The following MECOM variants were observed in gnomAD, a reference collection of about 807,000 sequenced individuals.
MECOM encodes the protein histone-lysine N-methyltransferase MECOM.
Under a neutral mutation model 116.3 loss-of-function variants are expected in MECOM, and 13 were observed. The ratio of observed to expected loss-of-function variants is 0.11; its 90% CI spans 0.07 to 0.18. The LOEUF (loss-of-function observed/expected upper bound fraction) is 0.18, where lower values mean the gene tolerates loss of function less well. MECOM is among the 10% of genes least tolerant of loss of function. MECOM has a pLI of 1.00. For missense variants in MECOM, 1,299 were observed against 1,509.0 expected (o/e 0.86, Z 2.31); for synonymous variants, 528 against 535.2 (o/e 0.99, Z 0.19).
intron 1 of MECOM, among the ~76,000 whole-genome samples, chr3:169,514,038 T>G (rs1578313246): frequency 6.6e-6 from 1 of 152,152 alleles, no homozygotes; most frequent in Non-Finnish European, 1.5e-5. Context: ...TCTACAAGGG[T>G]GTGCACATAC....
chr3:169,255,495 G>A (rs1054379731), intron 2 of MECOM, among the ~76,000 whole-genome samples: 1 of 151,814 alleles, frequency 6.6e-6, no homozygotes, highest in Admixed American at 6.6e-5. Context: ...GGGTAGTCTC[G>A]GTGATCAGCC....
At chr3:169,134,813 G>C (rs576490281) in intron 3 of MECOM, among the ~76,000 whole-genome samples, 1 of 152,140 alleles carries the variant, frequency 6.6e-6, no homozygotes, top group South Asian at 2.1e-4. Context: ...ATGCCAGCAG[G>C]CATTTGAGAA....
chr3:169,308,991 A>T (rs933082213), intron 2 of MECOM, among the ~76,000 whole-genome samples: 16 of 152,210 alleles, frequency 1.1e-4, no homozygotes, highest in African/African-American at 3.9e-4. Flanking sequence ...GCCAAGTTTT[A>T]GCTGATCACA....
chr3:169,541,981 T>C (rs1760120221), intron 1 of MECOM, among the ~76,000 whole-genome samples: 1 of 152,166 alleles, frequency 6.6e-6, no homozygotes, highest in Non-Finnish European at 1.5e-5. Context: ...TTATAAAAGG[T>C]GTAGTATAAA....
At chr3:169,111,360 T>C (rs1217505410) in intron 9 of MECOM, among the ~76,000 whole-genome samples, 1 of 152,156 alleles carries the variant, frequency 6.6e-6, no homozygotes, top group Non-Finnish European at 1.5e-5. Flanking sequence ...GTAACATTAA[T>C]GTATACATGA....
intron 2 of MECOM, among the ~76,000 whole-genome samples, chr3:169,193,160 A>T (rs1022820699): frequency 2.6e-5 from 4 of 151,988 alleles, no homozygotes; most frequent in Admixed American, 6.6e-5. Flanking sequence ...AATTTAATAG[A>T]CATGAAAATC....
intron 5 of MECOM, among the ~76,000 whole-genome samples, chr3:169,124,058 T>C (rs1416847793): frequency 6.6e-6 from 1 of 152,116 alleles, no homozygotes; most frequent in Admixed American, 6.6e-5. Flanking sequence ...TAATAAATGA[T>C]GAAACAATGA....
At chr3:169,410,801 G>A (rs938407789) in intron 1 of MECOM, among the ~76,000 whole-genome samples, 2 of 151,818 alleles carry the variant, frequency 1.3e-5, no homozygotes, top group Non-Finnish European at 1.5e-5. Flanking sequence ...TGTTTTCAAT[G>A]AACTCAAAGA....
intron 1 of MECOM, among the ~76,000 whole-genome samples, chr3:169,565,573 C>T (rs908157700): frequency 1.7e-4 from 26 of 152,290 alleles, no homozygotes; most frequent in African/African-American, 6.0e-4. Context: ...TACTGCCCAG[C>T]CATGGCTTCC....
At chr3:169,528,652 C>T (rs1758226469) in intron 1 of MECOM, among the ~76,000 whole-genome samples, 1 of 152,180 alleles carries the variant, frequency 6.6e-6, no homozygotes, top group Admixed American at 6.5e-5. Flanking sequence ...ATGCTACTTT[C>T]TTCATTGAAC....
At chr3:169,145,841 A>G in intron 2 of MECOM, 1 of 213,740 alleles carries the variant, frequency 4.7e-6, no homozygotes, top group Non-Finnish European at 9.4e-6. Context: ...ATTTTTAAAA[A>G]GGTTCATTTC....
chr3:169,088,834 T>C (rs1420084311), intron 16 of MECOM, among the ~76,000 whole-genome samples, 166 bp downstream of exon 16: 2 of 152,192 alleles, frequency 1.3e-5, no homozygotes, highest in Non-Finnish European at 2.9e-5. Context: ...CTATTTTGGA[T>C]TTGGTCATAA....
chr3:169,279,243 A>G (rs1179032173), intron 2 of MECOM, among the ~76,000 whole-genome samples: 1 of 152,136 alleles, frequency 6.6e-6, no homozygotes, highest in African/African-American at 2.4e-5. Context: ...CTGACCCCAA[A>G]TCTCAATCTT....
At chr3:169,503,549 G>C (rs1754809766) in intron 1 of MECOM, among the ~76,000 whole-genome samples, 1 of 152,116 alleles carries the variant, frequency 6.6e-6, no homozygotes, top group Non-Finnish European at 1.5e-5. Flanking sequence ...CAAAGAAAAA[G>C]CGGCCTTCAT....
intron 1 of MECOM, among the ~76,000 whole-genome samples, chr3:169,601,569 T>A (rs1267299154): frequency 3.9e-5 from 6 of 152,202 alleles, no homozygotes; most frequent in Admixed American, 2.0e-4. Flanking sequence ...GTAGCTTTAC[T>A]GCTAAACTCT....
At chr3:169,205,779 G>A (rs1309504984) in intron 2 of MECOM, among the ~76,000 whole-genome samples, 2 of 152,124 alleles carry the variant, frequency 1.3e-5, no homozygotes, top group East Asian at 1.9e-4. Context: ...AGAATTGAAT[G>A]AATTTTAGAA....
chr3:169,229,657 G>A (rs373238672), intron 2 of MECOM, among the ~76,000 whole-genome samples: 5 of 152,042 alleles, frequency 3.3e-5, no homozygotes, highest in African/African-American at 1.2e-4. Context: ...TAAAAGCTAA[G>A]CCCAAAGTAT....
chr3:169,330,014 G>C (rs1040258677), intron 2 of MECOM, among the ~76,000 whole-genome samples: 1 of 152,126 alleles, frequency 6.6e-6, no homozygotes, highest in East Asian at 1.9e-4. Context: ...TCTTAAAAAG[G>C]GGATGGGTAG....
intron 1 of MECOM, among the ~76,000 whole-genome samples, chr3:169,489,849 T>C (rs1752865523): frequency 6.6e-6 from 1 of 152,160 alleles, no homozygotes. Flanking sequence ...CCACTATGCA[T>C]AAAAGCACAA....
Sources: gnomAD v4.1 joint callset for allele counts (sites outside exome capture counted in the v4.1 genomes callset) on GRCh38, gnomAD v4.1.1 for gene constraint, MANE v1.5 for transcripts, NCBI Gene and HGNC (gene_info 2026-07-23, HGNC 2026-07-21) for gene names.